EPB41L4A: variants seen among roughly 807,000 people sequenced by gnomAD.
EPB41L4A encodes erythrocyte membrane protein band 4.1 like 4A.
A neutral mutation model predicts 108.6 loss-of-function variants in EPB41L4A; 100 were observed. The ratio of observed to expected loss-of-function variants is 0.92; its 90% confidence interval spans 0.78 to 1.09. The LOEUF (loss-of-function observed/expected upper bound fraction) is 1.09, where lower values mean the gene tolerates loss of function less well. Ranked by LOEUF, EPB41L4A falls within the 50% of genes least tolerant of loss-of-function variation. EPB41L4A has a pLI of 0.00. For missense variants in EPB41L4A, 1,030 were observed against 842.7 expected, an observed-to-expected ratio of 1.22 and a Z score of -2.75; for synonymous variants, 319 against 289.0, an observed-to-expected ratio of 1.10 and a Z score of -1.05.
At chr5:112,271,323 G>C (rs1752249946) in intron 4 of EPB41L4A, among the ~76,000 whole-genome samples, 1 of 152,132 alleles carries the variant, frequency 6.6e-6, no homozygotes, top group Non-Finnish European at 1.5e-5. Context: ...TCAATAATTT[G>C]AAAATATAAA....
downstream of EPB41L4A, among the ~76,000 whole-genome samples, chr5:112,160,020 C>T (rs1233673189): frequency 6.7e-6 from 1 of 148,446 alleles, no homozygotes; most frequent in East Asian, 2.0e-4. Context: ...AGCCATTTCT[C>T]CTGCCTCAGC....
chr5:112,146,377 C>A (rs920019937), intron 12 of EPB41L4A, among the ~76,000 whole-genome samples: 1 of 152,164 alleles, frequency 6.6e-6, no homozygotes, highest in Non-Finnish European at 1.5e-5. Flanking sequence ...CATGAACAGC[C>A]CACTCATTAG....
chr5:112,150,732 T>C (rs1004841886), intron 12 of EPB41L4A, among the ~76,000 whole-genome samples: 3 of 152,228 alleles, frequency 2.0e-5, no homozygotes, highest in African/African-American at 7.2e-5. Flanking sequence ...CCTGTGACTT[T>C]TTCCATAAAA....
At chr5:112,328,521 T>C (rs1259021532) in intron 1 of EPB41L4A, among the ~76,000 whole-genome samples, 1 of 152,146 alleles carries the variant, frequency 6.6e-6, no homozygotes, top group Non-Finnish European at 1.5e-5. Flanking sequence ...AATAATAAAA[T>C]AGATCTAACA....
intron 1 of EPB41L4A, among the ~76,000 whole-genome samples, chr5:112,321,002 T>C (rs1387766183): frequency 6.6e-6 from 1 of 152,032 alleles, no homozygotes; most frequent in Non-Finnish European, 1.5e-5. Context: ...TCCTGAAAGG[T>C]TGAAAGAAAG....
chr5:112,390,618 C>T (rs1011408138), intron 1 of EPB41L4A, among the ~76,000 whole-genome samples: 3 of 152,166 alleles, frequency 2.0e-5, no homozygotes, highest in Admixed American at 6.5e-5. Flanking sequence ...TCTGGGGGCA[C>T]GGCATAGCTG....
At chr5:112,212,915 G>A (rs1353438612) in intron 12 of EPB41L4A, among the ~76,000 whole-genome samples, 1 of 152,008 alleles carries the variant, frequency 6.6e-6, no homozygotes, top group African/African-American at 2.4e-5. Context: ...AATTACTTTA[G>A]GAAAAGTGCC....
At chr5:112,355,508 G>A (rs748223155) in intron 1 of EPB41L4A, among the ~76,000 whole-genome samples, 44 of 152,320 alleles carry the variant, frequency 2.9e-4, no homozygotes, top group Non-Finnish European at 5.4e-4. Context: ...ATCAGCACAA[G>A]TTGAGTTTCA....
At chr5:112,343,520 A>G (rs990473630) in intron 1 of EPB41L4A, among the ~76,000 whole-genome samples, 8 of 152,146 alleles carry the variant, frequency 5.3e-5, no homozygotes, top group African/African-American at 1.9e-4. Context: ...CAAGTACTCA[A>G]GTTTAGCTAT....
intron 1 of EPB41L4A, among the ~76,000 whole-genome samples, chr5:112,414,474 T>A (rs374584829): frequency 2.0e-5 from 3 of 152,044 alleles, no homozygotes; most frequent in Non-Finnish European, 2.9e-5. Context: ...GTGCCACACA[T>A]CTGGTGAGAG....
intron 12 of EPB41L4A, among the ~76,000 whole-genome samples, chr5:112,211,855 T>G (rs1762760949): frequency 6.6e-6 from 1 of 152,206 alleles, no homozygotes; most frequent in South Asian, 2.1e-4. Flanking sequence ...TGGGATTCCA[T>G]ATCTGAATTG....
chr5:112,292,215 T>C (rs1010334564), intron 2 of EPB41L4A, among the ~76,000 whole-genome samples: 19 of 152,218 alleles, frequency 1.2e-4, no homozygotes, highest in Admixed American at 6.5e-5. Context: ...AAGTATCTGC[T>C]ATGTGATTGA....
intron 1 of EPB41L4A, 81 bp from the exon 2 acceptor site, chr5:112,307,571 T>C (rs887153680): frequency 2.4e-6 from 2 of 850,614 alleles, no homozygotes; most frequent in East Asian, 2.6e-5. Context: ...TCATCTTTTA[T>C]TAGTTTCACT....
chr5:112,161,018 C>G (rs369210424), downstream of EPB41L4A: 3 of 156,288 alleles, frequency 1.9e-5, no homozygotes, highest in African/African-American at 4.8e-5. Flanking sequence ...GGCCTGTGTC[C>G]GAAGTGTCCG....
At chr5:112,253,500 G>C (rs1279452077) in intron 9 of EPB41L4A, among the ~76,000 whole-genome samples, 1 of 152,142 alleles carries the variant, frequency 6.6e-6, no homozygotes, top group East Asian at 1.9e-4. Context: ...ATGCTAAAAA[G>C]GACATTATTG....
chr5:112,396,245 TAATTAAAAAA>T (rs1443120513), intron 1 of EPB41L4A, among the ~76,000 whole-genome samples: 5 of 152,092 alleles, frequency 3.3e-5, no homozygotes, highest in Admixed American at 2.6e-4. Flanking sequence ...ACTTAAAGTA[TAATTAAAAAA>T]AATTAAAAAA....
At chr5:112,205,706 C>A (rs190247066) in intron 13 of EPB41L4A, among the ~76,000 whole-genome samples, 60 of 152,280 alleles carry the variant, frequency 3.9e-4, no homozygotes, top group African/African-American at 1.2e-3. Context: ...GTCTTTCCCC[C>A]CTCTTTCTTT....
At chr5:112,392,401 C>CA (rs56256606) in intron 1 of EPB41L4A, among the ~76,000 whole-genome samples, 15,901 of 35,934 alleles carry the variant, frequency 0.44, 3,592 homozygotes, top group Non-Finnish European at 0.51. Flanking sequence ...AAATGGAAAG[C>CA]AAAAAAAAAA....
chr5:112,411,998 C>T (rs1762438120), intron 1 of EPB41L4A, among the ~76,000 whole-genome samples: 1 of 152,170 alleles, frequency 6.6e-6, no homozygotes, highest in African/African-American at 2.4e-5. Flanking sequence ...ACTTTCTAAC[C>T]AACCGCTGAA....
Sources: gnomAD v4.1 joint callset for allele counts (sites outside exome capture counted in the v4.1 genomes callset) on GRCh38, gnomAD v4.1.1 for gene constraint, MANE v1.5 for transcripts, NCBI Gene and HGNC (gene_info 2026-07-23, HGNC 2026-07-21) for gene names.